CCDC200: variants seen among roughly 807,000 people sequenced by gnomAD.
CCDC200 encodes the protein coiled-coil domain containing 200, also known as coiled-coil domain-containing protein 200.
intron 1 of CCDC200, among the ~76,000 whole-genome samples, chr17:43,227,325 A>G (rs2057576516): frequency 6.6e-6 from 1 of 152,036 alleles, no homozygotes; most frequent in Non-Finnish European, 1.5e-5. Flanking sequence ...AAAATAAAAT[A>G]AATAAGTGAA....
At chr17:43,230,815 C>T (rs1555617190), upstream of CCDC200, among the ~76,000 whole-genome samples, 2,062 of 88,838 alleles carry the variant, frequency 0.023, 307 homozygotes, top group African/African-American at 0.056. Context: ...CCCGTCTCTA[C>T]TAAAAGTACA....
chr17:43,222,455 C>T (rs1028609489), intron 3 of CCDC200, among the ~76,000 whole-genome samples: 5 of 152,216 alleles, frequency 3.3e-5, no homozygotes, highest in Non-Finnish European at 7.3e-5. Context: ...GCATGGGCCC[C>T]TGCGCCTGGC....
intron 3 of CCDC200, 86 bp downstream of exon 3, chr17:43,223,470 A>ACACACACACACACACACACC (rs2057547388): frequency 6.7e-6 from 1 of 150,220 alleles, no homozygotes; most frequent in Non-Finnish European, 1.5e-5. Flanking sequence ...ACACACACAC[A>ACACACACACACACACACACC]CACACACACT....
intron 1 of CCDC200, among the ~76,000 whole-genome samples, chr17:43,228,108 C>CAAA (rs4027812): frequency 0.11 from 2,296 of 20,112 alleles, 134 homozygotes; most frequent in African/African-American, 0.27. Flanking sequence ...AACTCCATCT[C>CAAA]AAAAAAAAAA....
At chr17:43,223,855 T>C (rs999327380) in intron 2 of CCDC200, 3 of 152,266 alleles carry the variant, frequency 2.0e-5, no homozygotes, top group Admixed American at 6.5e-5. Flanking sequence ...AGCCTACAAC[T>C]CATGTCCCAC....
At chr17:43,225,868 G>A (rs1251263298) in intron 1 of CCDC200, among the ~76,000 whole-genome samples, 2 of 147,872 alleles carry the variant, frequency 1.4e-5, no homozygotes, top group Non-Finnish European at 3.0e-5. Flanking sequence ...TGAGTAGCTG[G>A]GATTATAGGC....
upstream of CCDC200, among the ~76,000 whole-genome samples, chr17:43,231,147 A>G (rs1387572625): frequency 4.9e-5 from 5 of 101,116 alleles, 2 homozygotes; most frequent in African/African-American, 7.9e-5. Context: ...AGTGGGGGAA[A>G]GATGCCACAG....
Position 43,224,311 on chromosome 17 carries a change from T to A in CCDC200, c.344A>T (p.Gln115Leu), listed in dbSNP as rs1482233490. 1 of 155,946 alleles carries A rather than the reference T, an allele frequency of 6.4e-6. No individual in the cohort carries two copies. The highest frequency in any genetic ancestry group is 1.4e-5 in the Non-Finnish European group (1 of 69,596). 9.7% of individuals were successfully genotyped at this position (155,946 alleles called of 1,614,324 possible). The part of the protein sequence containing the change: ...PQPPQPQPPP[Q>L]PTQPSAQARC... ...GGCTTGAGCACTTGGTTGTGTTGGC[T>A]GAGGTGGTGGCTGTGGTTGTGGTGG... Residue 115 changes from glutamine (Q) to leucine (L), a missense_variant, in exon 2 of 4, where the codon CAG (glutamine) becomes CTG (leucine). Physicochemically the swap from Gln to Leu is moderately radical, Grantham distance 113. Coordinates refer to ENST00000636331, the MANE Select transcript of CCDC200 (RefSeq NM_001363254.2).
intron 1 of CCDC200, among the ~76,000 whole-genome samples, chr17:43,227,170 G>C (rs77526796): frequency 1.3e-5 from 2 of 151,740 alleles, no homozygotes; most frequent in Non-Finnish European, 2.9e-5. Context: ...GTAGAGATGG[G>C]GTTTCACCAT....
intron 1 of CCDC200, among the ~76,000 whole-genome samples, chr17:43,227,683 G>A (rs2057579430): frequency 6.6e-6 from 1 of 150,580 alleles, no homozygotes; most frequent in African/African-American, 2.4e-5. Context: ...ACCAGGTTTC[G>A]CCATGTTGGC....
intron 3 of CCDC200, among the ~76,000 whole-genome samples, chr17:43,223,032 G>T (rs1405414330): frequency 6.6e-6 from 1 of 151,822 alleles, no homozygotes; most frequent in Non-Finnish European, 1.5e-5. Context: ...CCCTCAAAGT[G>T]CTGGGATTAC....
intron 1 of CCDC200, among the ~76,000 whole-genome samples, chr17:43,226,714 C>T (rs894838619): frequency 6.6e-5 from 10 of 152,192 alleles, no homozygotes; most frequent in African/African-American, 2.4e-4. Context: ...TTTACTTAAC[C>T]CCATGCATCC....
At chr17:43,225,063 T>G (rs2057557753) in intron 1 of CCDC200, 1 of 151,910 alleles carries the variant, frequency 6.6e-6, no homozygotes, top group Non-Finnish European at 1.5e-5. Context: ...AGGGACTCAT[T>G]ATGTTGCCCA....
intron 3 of CCDC200, among the ~76,000 whole-genome samples, chr17:43,221,882 G>T (rs1359441300): frequency 1.3e-5 from 2 of 152,024 alleles, no homozygotes; most frequent in Non-Finnish European, 2.9e-5. Context: ...GCCAAGACGG[G>T]TAGATCTTTT....
At chr17:43,226,985 T>A (rs1420326026) in intron 1 of CCDC200, among the ~76,000 whole-genome samples, 1 of 152,156 alleles carries the variant, frequency 6.6e-6, no homozygotes, top group Non-Finnish European at 1.5e-5. Context: ...TTGTTGTTGT[T>A]GTTGTTTTTT....
At chr17:43,225,224 GGGTCCCCCT>G (rs1299183111) in intron 1 of CCDC200, among the ~76,000 whole-genome samples, 11 of 151,820 alleles carry the variant, frequency 7.2e-5, no homozygotes, top group African/African-American at 2.4e-4. Flanking sequence ...TGTAGAGACA[GGGTCCCCCT>G]ATGTTGCCTA....
Position 43,225,693 on chromosome 17 carries a change from T to TATATATATATATAA in CCDC200, c.106-1145_106-1144insTTATATATATATAT, listed in dbSNP as rs1282739067. Among the ~76,000 whole-genome samples, 8 of 28,976 alleles carry TATATATATATATAA rather than the reference T, an allele frequency of 2.8e-4. 2 individuals are homozygous for TATATATATATATAA. The highest frequency in any genetic ancestry group is 3.8e-4 in the African/African-American group (8 of 21,202). The allele number at this position is 28,976 out of a possible 152,430, so 19.0% of individuals were successfully genotyped here. A position where few individuals can be genotyped will look rare whatever the true frequency, so the allele number is the denominator to read the frequency against. Reference sequence around the variant, plus strand: ...AAAAAAAAAAAAGTATATATATATATTGCATGCTACATGTGTAATTTTAAA... The same window carrying TATATATATATATAA: ...AAAAAAAAAAAAGTATATATATATATATATATATATATAATGCATGCTACATGTGTAATTTTAAA... On this transcript the variant is annotated intron_variant, in intron 1 of 3. Coordinates refer to ENST00000636331, the MANE Select transcript of CCDC200 (RefSeq NM_001363254.2).
chr17:43,222,450 G>T (rs1026068965), intron 3 of CCDC200, among the ~76,000 whole-genome samples: 3 of 151,918 alleles, frequency 2.0e-5, no homozygotes, highest in African/African-American at 7.3e-5. Context: ...TTCAGGCATG[G>T]GCCCCTGCGC....
intron 3 of CCDC200, among the ~76,000 whole-genome samples, chr17:43,222,230 A>C (rs948529865): frequency 4.6e-5 from 7 of 151,998 alleles, no homozygotes; most frequent in Admixed American, 4.6e-4. Context: ...CAGTGGTGTC[A>C]TCCTGGCTCA....
Sources: allele counts gnomAD v4.1 joint callset (sites outside exome capture counted in the v4.1 genomes callset), GRCh38; gene constraint gnomAD v4.1.1; transcripts MANE v1.5; gene names NCBI Gene and HGNC (gene_info 2026-07-23, HGNC 2026-07-21).